SLC14A2: variants seen among roughly 807,000 people sequenced by gnomAD.
SLC14A2 encodes the protein urea transporter 2.
SLC14A2 carries 91 observed loss-of-function variants against 104.6 expected under a neutral mutation model. The ratio of observed to expected loss-of-function variants is 0.87; its 90% CI spans 0.73 to 1.04. The LOEUF is 1.04. SLC14A2 is among the 50% of genes least tolerant of loss of function. SLC14A2 has a pLI of 0.00. For missense variants in SLC14A2, 1,189 were observed against 1,156.0 expected, an observed-to-expected ratio of 1.03 and a Z score of -0.41; for synonymous variants, 476 against 466.4, an observed-to-expected ratio of 1.02 and a Z score of -0.27.
rs1447777673 is a variant in SLC14A2 at position 45,668,344 on chromosome 18, G to A, written c.1908-5G>A. 1 of 1,613,950 alleles carries A rather than the reference G, an allele frequency of 6.2e-7. No individual in the cohort carries two copies. The highest frequency in any genetic ancestry group is 2.2e-5 in the East Asian group (1 of 44,876). On this transcript the variant is annotated splice_region_variant and splice_polypyrimidine_tract_variant and intron_variant, in intron 14 of 19. Coordinates refer to ENST00000255226, the MANE Select transcript of SLC14A2 (RefSeq NM_007163.4). The stretch of plus-strand genomic sequence containing the variant: ...TGCTCCACCTGACCCTCCCTCTCCT[G>A]CCAGGTCGGCCATCGCTGCAGGATT...
At chr18:45,646,026 T>C (rs1013250611) in intron 10 of SLC14A2, 1 of 152,224 alleles carries the variant, frequency 6.6e-6, no homozygotes, top group African/African-American at 2.4e-5. Context: ...GACAGTAGCA[T>C]GACTGGAATC....
At chr18:45,481,368 A>C (rs751686128) in intron 1 of SLC14A2, among the ~76,000 whole-genome samples, 6 of 152,060 alleles carry the variant, frequency 3.9e-5, no homozygotes, top group Non-Finnish European at 8.8e-5. Flanking sequence ...AATGAATCCT[A>C]TTTTATTTCT....
chr18:45,200,893 C>A, the SLC14A2 span, among the ~76,000 whole-genome samples: 1 of 152,082 alleles, frequency 6.6e-6, no homozygotes, highest in African/African-American at 2.4e-5. Context: ...ATAAACAAAT[C>A]TTGATTCATT....
At chr18:45,565,452 G>A (rs1449435573) in intron 2 of SLC14A2, among the ~76,000 whole-genome samples, 3 of 152,210 alleles carry the variant, frequency 2.0e-5, no homozygotes, top group Admixed American at 6.5e-5. Flanking sequence ...ACGTGAGCAT[G>A]CATGTGCATA....
At chr18:45,616,205 T>C (rs1174806771) in intron 1 of SLC14A2, among the ~76,000 whole-genome samples, 2 of 152,192 alleles carry the variant, frequency 1.3e-5, no homozygotes, top group African/African-American at 4.8e-5. Flanking sequence ...CCTCAACTGA[T>C]GGGAGAATTG....
intron 2 of SLC14A2, among the ~76,000 whole-genome samples, chr18:45,520,800 C>A (rs780826573): frequency 2.0e-5 from 3 of 152,146 alleles, no homozygotes; most frequent in Non-Finnish European, 4.4e-5. Flanking sequence ...AGAGAACAAT[C>A]TATCTAATTT....
intron 2 of SLC14A2, among the ~76,000 whole-genome samples, chr18:45,490,535 T>G (rs2042978979): frequency 6.6e-6 from 1 of 152,220 alleles, no homozygotes. Flanking sequence ...GAAGATAGTT[T>G]AATAATATCT....
intron 1 of SLC14A2, among the ~76,000 whole-genome samples, chr18:45,327,479 C>T (rs2085247571): frequency 6.6e-6 from 1 of 152,106 alleles, no homozygotes; most frequent in African/African-American, 2.4e-5. Flanking sequence ...TTTCATCATC[C>T]CAAACAGAAA....
chr18:45,590,486 T>G (rs1397170045), intron 2 of SLC14A2, among the ~76,000 whole-genome samples: 1 of 151,814 alleles, frequency 6.6e-6, no homozygotes, highest in Admixed American at 6.6e-5. Flanking sequence ...TCTCTGGAGG[T>G]GAATTGGTTT....
chr18:45,327,734 A>T (rs1464080431), intron 1 of SLC14A2, among the ~76,000 whole-genome samples: 1 of 152,202 alleles, frequency 6.6e-6, no homozygotes, highest in Non-Finnish European at 1.5e-5. Flanking sequence ...TTTGAGGCCG[A>T]AAACATTTTG....
At chr18:45,321,290 G>A (rs1007059015) in intron 1 of SLC14A2, among the ~76,000 whole-genome samples, 1 of 152,144 alleles carries the variant, frequency 6.6e-6, no homozygotes, top group Non-Finnish European at 1.5e-5. Context: ...ACAACAAGGG[G>A]ACCATATGAT....
At chr18:45,489,446 C>T (rs1175263036) in intron 2 of SLC14A2, among the ~76,000 whole-genome samples, 3 of 151,930 alleles carry the variant, frequency 2.0e-5, no homozygotes, top group African/African-American at 4.8e-5. Flanking sequence ...AGGAGACAGA[C>T]ATTGCAGTGA....
intron 16 of SLC14A2, among the ~76,000 whole-genome samples, chr18:45,672,116 A>G (rs2046150062): frequency 6.6e-6 from 1 of 152,230 alleles, no homozygotes; most frequent in Non-Finnish European, 1.5e-5. Context: ...TGTAGATACT[A>G]GTCGAGTTCC....
intron 1 of SLC14A2, among the ~76,000 whole-genome samples, chr18:45,260,863 G>A (rs1422267036): frequency 1.3e-5 from 2 of 152,066 alleles, no homozygotes; most frequent in African/African-American, 4.8e-5. Flanking sequence ...AGTGGGGAAA[G>A]GGCTAAAAAA....
chr18:45,587,481 C>T (rs2044584186), intron 2 of SLC14A2, among the ~76,000 whole-genome samples: 1 of 152,144 alleles, frequency 6.6e-6, no homozygotes, highest in Admixed American at 6.6e-5. Flanking sequence ...TTTTTTATCC[C>T]ATGAACCTAA....
chr18:45,355,588 A>AAAAC (rs1303083802), intron 1 of SLC14A2, among the ~76,000 whole-genome samples: 2 of 151,406 alleles, frequency 1.3e-5, no homozygotes, highest in Non-Finnish European at 2.9e-5. Flanking sequence ...AAAAAAAAAA[A>AAAAC]AAAAAAAAAA....
At chr18:45,244,340 G>A (rs1002772281) in intron 1 of SLC14A2, among the ~76,000 whole-genome samples, 2 of 152,054 alleles carry the variant, frequency 1.3e-5, no homozygotes, top group South Asian at 4.1e-4. Flanking sequence ...GGGGGAGGGG[G>A]GTGGTGCTGG....
chr18:45,571,212 G>A (rs978924124), intron 2 of SLC14A2, among the ~76,000 whole-genome samples: 1 of 152,200 alleles, frequency 6.6e-6, no homozygotes, highest in African/African-American at 2.4e-5. Flanking sequence ...AAATAACGGA[G>A]GCCAGGACAG....
At chr18:45,203,923 G>T in the SLC14A2 span, among the ~76,000 whole-genome samples, 3 of 152,172 alleles carry the variant, frequency 2.0e-5, no homozygotes, top group Non-Finnish European at 2.9e-5. Context: ...GCCTGTGTAG[G>T]TGCCAGAGCA....
Sources: gnomAD v4.1 joint callset for allele counts (sites outside exome capture counted in the v4.1 genomes callset) on GRCh38, gnomAD v4.1.1 for gene constraint, MANE v1.5 for transcripts, NCBI Gene and HGNC (gene_info 2026-07-23, HGNC 2026-07-21) for gene names.